Variants in GRK2 observed in about 807,000 individuals in gnomAD.
The protein encoded by GRK2 is adrenergic beta receptor kinase 1.
In GRK2, 23 loss-of-function variants were observed where a neutral mutation model predicts 97.8. The ratio of observed to expected loss-of-function variants is 0.24; its 90% CI spans 0.17 to 0.33. The LOEUF is 0.33. Among genes scored for constraint, GRK2 ranks in the 10% least tolerant of loss-of-function variants. The pLI is 1.00. For synonymous variants in GRK2, 425 were observed against 381.7 expected (o/e 1.11, Z -1.32); for missense variants, 633 against 956.9 (o/e 0.66, Z 4.47).
intron 4 of GRK2, 52 bp from the exon 5 acceptor site, chr11:67,279,574 A>G: frequency 1.9e-6 from 3 of 1,612,252 alleles, no homozygotes; most frequent in Non-Finnish European, 2.5e-6. Context: ...GCAGATTGGG[A>G]GGGGAAGAGA....
chr11:67,284,075 C>T lies in GRK2; in HGVS notation c.1491+126C>T, dbSNP rs570898409. The T allele has an allele frequency of 6.3e-6, 9 of 1,438,502 alleles. No individual in the cohort carries two copies. The East Asian group carries it at 1.6e-4, about 26-fold the overall frequency. The allele number at this position is 1,438,502 out of a possible 1,614,324, so 89.1% of individuals were successfully genotyped here. On this transcript the variant is annotated intron_variant, in intron 17 of 20. Coordinates refer to ENST00000308595, the MANE Select transcript of GRK2 (RefSeq NM_001619.5). ...GCCAGCTTGTAGGCCTCAGTTCCTC[C>T]TTGGCCAACTTCCCTGGGGGGTGGC...
At position 67,279,668 on chromosome 11, in the gene GRK2, G is replaced by A; in HGVS notation, c.409G>A (p.Gly137Arg). 1 of 1,613,598 alleles carries A rather than the reference G, an allele frequency of 6.2e-7. No individual in the cohort carries two copies. The highest frequency in any genetic ancestry group is 2.2e-5 in the East Asian group (1 of 44,884). The change falls in exon 5 of 21, where the codon GGG becomes AGG. Residue 137 changes from glycine (G) to arginine (R), a missense_variant. This residue lies in a region of GRK2 where 193 missense variants were observed against 212.2 expected (regional missense o/e 0.91). Coordinates refer to ENST00000308595, the MANE Select transcript of GRK2 (RefSeq NM_001619.5). ...CACTGAGCATGTCCAAGGCCACCTG[G>A]GGAAGAAGCAGGTGCCTCCGGATCT... ...SATEHVQGHL[G>R]KKQVPPDLFQ...
chr11:67,274,889 C>G lies in GRK2; in HGVS notation c.114-2383C>G, dbSNP rs780020832. Among the ~76,000 whole-genome samples the G allele has an allele frequency of 2.6e-5, 4 of 152,152 alleles. No individual in the cohort carries two copies. In the East Asian group the frequency reaches 5.8e-4, roughly 22 times the overall value. ...CTGGTGTGGACGCGGGGCCCATCCT[C>G]GGAGCTCCTGTCAGTTCTCAGAGGG... On this transcript the variant is annotated intron_variant, in intron 1 of 20. Transcript: ENST00000308595.
At position 67,279,931 on chromosome 11, in the gene GRK2, G is replaced by C. The variant is rs368729302; in HGVS notation, c.503+31G>C. 1.1e-5 allele frequency: 18 copies of C among 1,606,096 alleles called. No individual in the cohort carries two copies. The African/African-American group carries it at 2.0e-4, about 18-fold the overall frequency. On this transcript the variant is annotated intron_variant, in intron 6 of 20. Coordinates refer to ENST00000308595, the MANE Select transcript of GRK2 (RefSeq NM_001619.5). ...AGCAGGGAAGTGTGGGAGAGGAAGG[G>C]GGAGGGAGGGGCCGCTCTCAGAAGG...
At position 67,282,814 on chromosome 11, in the gene GRK2, C is replaced by T. The variant is rs754014639; in HGVS notation, c.1223C>T (p.Thr408Met). Residue 408 changes from threonine (T) to methionine (M), a missense_variant, in exon 14 of 21, where the codon ACG becomes ATG. Physicochemically the swap from Thr to Met is moderately conservative, Grantham distance 81 (BLOSUM62 -1). This residue lies in a region of GRK2 where 192 missense variants were observed against 362.3 expected (regional missense o/e 0.53). Coordinates refer to ENST00000308595, the MANE Select transcript of GRK2 (RefSeq NM_001619.5). The surrounding 1 kb of genome is among the most constrained non-coding windows in gnomAD (Gnocchi z 6.9). ...CATGAGATCGACCGCATGACGCTGA[C>T]GATGGTGGGTGCAGGTCTCAGTGCA... ...DKHEIDRMTL[T>M]MAVELPDSFS... 3.3e-5 allele frequency: 53 copies of T among 1,609,048 alleles called. No homozygotes were observed. Among genetic ancestry groups the T allele is most frequent in the South Asian group, 1.2e-4 (11 of 90,982 alleles).
At chr11:67,271,685 G>C (rs1471447561) in intron 1 of GRK2, among the ~76,000 whole-genome samples, 1 of 152,250 alleles carries the variant, frequency 6.6e-6, no homozygotes, top group African/African-American at 2.4e-5. Context: ...CGACGTTCCG[G>C]AGCCCAGGCT....
At chr11:67,280,176 C>G (rs777300961) in intron 6 of GRK2, 1 of 518,336 alleles carries the variant, frequency 1.9e-6, no homozygotes, top group Non-Finnish European at 3.5e-6. Flanking sequence ...GTGCCTCTTT[C>G]TCTCCCGTGG....
intron 6 of GRK2, 116 bp downstream of exon 6, chr11:67,280,016 C>A: frequency 9.1e-7 from 1 of 1,093,358 alleles, no homozygotes; most frequent in Non-Finnish European, 1.4e-6. Context: ...AGGCAGGTGG[C>A]TGGCCCGTCA....
chr11:67,279,412 C>T lies in GRK2; in HGVS notation c.265-6C>T, dbSNP rs900966414. 14 of 1,613,134 alleles carry T rather than the reference C, an allele frequency of 8.7e-6. No individual in the cohort carries two copies. Among genetic ancestry groups the T allele is most frequent in the Non-Finnish European group, 1.2e-5 (14 of 1,179,964 alleles). The stretch of plus-strand genomic sequence containing the variant: ...CTAGATGACCTGCAGGAATCCTGTC[C>T]TCCAGATCAAGAAGTACGAGAAGCT... On this transcript the variant is annotated splice_region_variant and splice_polypyrimidine_tract_variant and intron_variant, in intron 3 of 20. Transcript: ENST00000308595.
intron 1 of GRK2, among the ~76,000 whole-genome samples, chr11:67,267,506 A>G (rs1219900668): frequency 1.3e-5 from 2 of 152,068 alleles, no homozygotes; most frequent in Non-Finnish European, 2.9e-5. Flanking sequence ...GGTCGGGGAA[A>G]CATCCCCTGT....
rs1447267095 is a variant in GRK2, at chr11:67,269,781, C to G, written c.113+2969C>G. 6.6e-6 allele frequency among the ~76,000 whole-genome samples: 1 copy of G among 152,188 alleles called. No individual in the cohort carries two copies. The highest frequency in any genetic ancestry group is 2.4e-5 in the African/African-American group (1 of 41,416). On this transcript the variant is annotated intron_variant, in intron 1 of 20. Transcript: ENST00000308595. The surrounding 1 kb of genome is among the most constrained non-coding windows in gnomAD (Gnocchi z 4.1). ...CTTGAGGTGGCCCACCTTGGCAGCCCCTCCATGGCTGGTGCCTGGGGATGT... is the reference window on the plus strand; with the variant it reads ...CTTGAGGTGGCCCACCTTGGCAGCCGCTCCATGGCTGGTGCCTGGGGATGT...
At position 67,279,630 on chromosome 11, in the gene GRK2, T is replaced by C. The variant is rs754965566; in HGVS notation, c.371T>C (p.Phe124Ser). The change falls in exon 5 of 21, where the codon TTC (phenylalanine) becomes TCC (serine). Residue 124 changes from phenylalanine (F) to serine (S), a missense_variant. Around this residue, in one of 4 missense-constraint regions of GRK2, gnomAD observed 193 missense variants for 212.2 expected, o/e 0.91. Transcript: ENST00000308595. The stretch of plus-strand genomic sequence containing the variant: ...GGCCACCTCTGTCTTCCCCAGCCCT[T>C]CTCGAAGAGTGCCACTGAGCATGTC... ...MKELLACSHP[F>S]SKSATEHVQG... 6.2e-7 allele frequency: 1 copy of C among 1,613,450 alleles called. No homozygotes were observed. The highest frequency in any genetic ancestry group is 8.5e-7 in the Non-Finnish European group (1 of 1,179,990).
At chr11:67,273,395 G>A (rs926324800) in intron 1 of GRK2, among the ~76,000 whole-genome samples, 2 of 152,192 alleles carry the variant, frequency 1.3e-5, no homozygotes, top group Non-Finnish European at 2.9e-5. Flanking sequence ...ACAGGGACAC[G>A]CTCTGGGCTC....
rs367914738 is a variant in GRK2 at position 67,281,889 on chromosome 11, G to A, written c.894G>A (p.Ala298=). The A allele has an allele frequency of 2.9e-5, 47 of 1,613,526 alleles. No individual in the cohort carries two copies. Among genetic ancestry groups the A allele is most frequent in the Middle Eastern group, 3.3e-4 (2 of 6,062 alleles). ...VFSEADMRFY[A]AEIILGLEHM... ...CAGAGGCTGACATGCGCTTCTATGC[G>A]GCCGAGATCATCCTGGGCCTGGAGC... Residue 298 remains alanine, a synonymous_variant, in exon 11 of 21, where the codon GCG becomes GCA. Transcript: ENST00000308595. The surrounding 1 kb of genome is among the most constrained non-coding windows in gnomAD (Gnocchi z 5.7).
At chr11:67,277,645 G>GGCC (rs1565065183) in intron 2 of GRK2, among the ~76,000 whole-genome samples, 1 of 152,208 alleles carries the variant, frequency 6.6e-6, no homozygotes, top group African/African-American at 2.4e-5. Flanking sequence ...CCCTTGGCGC[G>GGCC]GCCGCAGCTG....
chr11:67,286,445 C>T lies in GRK2; in HGVS notation c.*995C>T, dbSNP rs1366881538. On this transcript the variant is annotated 3_prime_UTR_variant, in exon 21 of 21. Transcript: ENST00000308595. ...TCTCCCCCCCGGGGCTGGGTTGGCG[C>T]ACCCTCCCCTCCCGTCTACTCATTC... The T allele has an allele frequency of 1.1e-5, 8 of 699,610 alleles. No individual in the cohort carries two copies. Among genetic ancestry groups the T allele is most frequent in the Non-Finnish European group, 2.1e-5 (8 of 383,088 alleles). 43.3% of individuals were successfully genotyped at this position (699,610 alleles called of 1,614,324 possible).
intron 7 of GRK2, 145 bp downstream of exon 7, chr11:67,280,928 G>C: frequency 8.6e-7 from 1 of 1,162,388 alleles, no homozygotes; most frequent in South Asian, 1.3e-5. Flanking sequence ...GGTCAGGGCC[G>C]GGATCCCAGC....
In GRK2 at chr11:67,281,504, G is replaced by A. The variant is rs1035537279; in HGVS notation, c.693G>A (p.Gln231=). Residue 231 remains glutamine (Q), a synonymous_variant, in exon 9 of 21, where the codon CAG becomes CAA. Transcript: ENST00000308595. The surrounding 1 kb of genome is among the most constrained non-coding windows in gnomAD (Gnocchi z 5.7). Reference sequence around the variant, plus strand: ...ACAAAAAGCGCATCAAGATGAAGCAGGGGGAGACCCTGGCCCTGAACGAGC... The same window carrying A: ...ACAAAAAGCGCATCAAGATGAAGCAAGGGGAGACCCTGGCCCTGAACGAGC... ...CLDKKRIKMK[Q]GETLALNERI... The A allele has an allele frequency of 4.3e-6, 7 of 1,613,660 alleles. No homozygotes were observed. Among genetic ancestry groups the A allele is most frequent in the Non-Finnish European group, 3.4e-6 (4 of 1,179,966 alleles).
At chr11:67,280,506 G>A (rs3730141) in intron 6 of GRK2, 28 of 594,748 alleles carry the variant, frequency 4.7e-5, no homozygotes, top group East Asian at 4.0e-4. Context: ...AGGAAGCCAC[G>A]GCCAGGTGGC....
Sources: allele counts gnomAD v4.1 joint callset (sites outside exome capture counted in the v4.1 genomes callset), GRCh38; gene constraint gnomAD v4.1.1; regional missense constraint gnomAD v4.1.1; non-coding constraint Gnocchi (gnomAD v3.1); transcripts MANE v1.5; gene names NCBI Gene and HGNC (gene_info 2026-07-23, HGNC 2026-07-21).